The following ZNF331 variants were observed in gnomAD, a reference collection of about 807,000 sequenced individuals.
The protein encoded by ZNF331 is zinc finger protein 331.
In ZNF331, 2 loss-of-function variants were observed where a neutral mutation model predicts 7.0. The ratio of observed to expected loss-of-function variants is 0.29; its 90% CI spans 0.12 to 0.90. ZNF331 has a LOEUF of 0.90. Ranked by LOEUF, ZNF331 falls within the 40% of genes least tolerant of loss-of-function variation. The pLI is 0.58. For missense variants in ZNF331, 432 were observed against 587.7 expected (o/e 0.74, Z 2.74); for synonymous variants, 196 against 205.4 (o/e 0.95, Z 0.39).
In ZNF331 at chr19:53,571,033, G is replaced by C. The variant is rs2090422324; in HGVS notation, c.10-571G>C. ...ACCATCACGCCCGGCTAATTTTTTT[G>C]TATTTTTAGTAGAGATGGGGTTTCA... On this transcript the variant is annotated intron_variant, in intron 4 of 5. Transcript: ENST00000449416. The surrounding 1 kb of genome is among the most constrained non-coding windows in gnomAD (Gnocchi z 4.7). Among the ~76,000 whole-genome samples, 1 of 151,386 alleles carries C rather than the reference G, an allele frequency of 6.6e-6. No homozygotes were observed. The highest frequency in any genetic ancestry group is 1.5e-5 in the Non-Finnish European group (1 of 67,884).
chr19:53,505,359 C>A, the ZNF331 span, among the ~76,000 whole-genome samples: 1 of 152,118 alleles, frequency 6.6e-6, no homozygotes, highest in African/African-American at 2.4e-5. Flanking sequence ...GCCATCTTGG[C>A]TCACTGCAAC....
chr19:53,517,363 G>A (rs1400868709), upstream of ZNF331, among the ~76,000 whole-genome samples: 1 of 152,106 alleles, frequency 6.6e-6, no homozygotes, highest in Non-Finnish European at 1.5e-5. Context: ...CATCCAAGCA[G>A]ATAAGGACAT....
At chr19:53,548,941 A>G (rs1735930968) in intron 2 of ZNF331, among the ~76,000 whole-genome samples, 1 of 150,748 alleles carries the variant, frequency 6.6e-6, no homozygotes, top group Admixed American at 6.6e-5. Context: ...TCCACCTCCC[A>G]GGTTCAAGTG....
chr19:53,533,113 T>C (rs751302281), intron 2 of ZNF331, among the ~76,000 whole-genome samples: 1 of 151,980 alleles, frequency 6.6e-6, no homozygotes, highest in Non-Finnish European at 1.5e-5. Flanking sequence ...CTTTCTCCTT[T>C]CTTAATGTAG....
chr19:53,535,071 C>G (rs2087694241), upstream of ZNF331, among the ~76,000 whole-genome samples: 1 of 142,290 alleles, frequency 7.0e-6, no homozygotes, highest in Admixed American at 7.0e-5. Flanking sequence ...AAAGAGGAAA[C>G]TAAAAATTAC....
intron 2 of ZNF331, among the ~76,000 whole-genome samples, chr19:53,540,639 A>G (rs1009956158): frequency 2.0e-5 from 3 of 152,004 alleles, no homozygotes; most frequent in African/African-American, 7.2e-5. Context: ...CTCCTTGTTG[A>G]TCAGGCTGGT....
At chr19:53,510,984 C>T in the ZNF331 span, among the ~76,000 whole-genome samples, 11 of 152,034 alleles carry the variant, frequency 7.2e-5, no homozygotes, top group South Asian at 2.1e-4. Context: ...ATACCTGCTG[C>T]GTGTAATTTA....
At chr19:53,554,244 C>T (rs928346286) in intron 2 of ZNF331, among the ~76,000 whole-genome samples, 12 of 152,304 alleles carry the variant, frequency 7.9e-5, no homozygotes, top group East Asian at 5.8e-4. Flanking sequence ...GGGAAGGGCG[C>T]GCACGCGTGT....
the ZNF331 span, among the ~76,000 whole-genome samples, chr19:53,506,492 CTCTCTCTCTCTCTCTG>C: frequency 3.4e-3 from 490 of 144,062 alleles, 4 homozygotes; most frequent in African/African-American, 0.012. Flanking sequence ...GTCTGTCTCT[CTCTCTCTCTCTCTCTG>C]TCTCTCTCTC....
At chr19:53,544,273 T>C (rs138496073) in intron 2 of ZNF331, among the ~76,000 whole-genome samples, 2,461 of 142,768 alleles carry the variant, frequency 0.017, 67 homozygotes, top group African/African-American at 0.055. Context: ...AGGCCGGGTG[T>C]GGTGGCTCAT....
chr19:53,564,848 A>C (rs2090079669), intron 3 of ZNF331, among the ~76,000 whole-genome samples: 1 of 152,210 alleles, frequency 6.6e-6, no homozygotes, highest in African/African-American at 2.4e-5. Context: ...GGCATAAATC[A>C]GGTCAAGGGT....
Position 53,571,524 on chromosome 19 carries a change from C to T in ZNF331, c.10-80C>T. 6.4e-7 allele frequency: 1 copy of T among 1,572,260 alleles called. No individual in the cohort carries two copies. The highest frequency in any genetic ancestry group is 1.8e-5 in the Admixed American group (1 of 56,674). ...AGTCTGCTCACGGTGTTCACCCTAC[C>T]CAGAGGGTGGCCTCCTGTCTCCTTC... On this transcript the variant is annotated intron_variant, in intron 4 of 5. Coordinates refer to ENST00000449416, the MANE Select transcript of ZNF331 (RefSeq NM_001079906.2). The surrounding 1 kb of genome is among the most constrained non-coding windows in gnomAD (Gnocchi z 4.7).
At chr19:53,506,470 CTCTCTCTCTCTGTCTG>C in the ZNF331 span, among the ~76,000 whole-genome samples, 1 of 142,496 alleles carries the variant, frequency 7.0e-6, no homozygotes, top group Admixed American at 7.0e-5. Context: ...CTCTCTCTCT[CTCTCTCTCTCTGTCTG>C]TCTCTCTCTC....
chr19:53,559,333 GAC>G (rs767266436), intron 3 of ZNF331, among the ~76,000 whole-genome samples: 28 of 141,844 alleles, frequency 2.0e-4, no homozygotes, highest in East Asian at 1.3e-3. Context: ...TACATATAGA[GAC>G]ACACACATAT....
At chr19:53,510,156 TC>T in the ZNF331 span, among the ~76,000 whole-genome samples, 1 of 152,186 alleles carries the variant, frequency 6.6e-6, no homozygotes, top group East Asian at 1.9e-4. Context: ...ACATCCTGCT[TC>T]TGTGGGCGTG....
chr19:53,531,350 T>G (rs1169929770), intron 2 of ZNF331, among the ~76,000 whole-genome samples: 1 of 152,202 alleles, frequency 6.6e-6, no homozygotes, highest in Non-Finnish European at 1.5e-5. Flanking sequence ...CTCAATGTAC[T>G]CCCCATTGAC....
At chr19:53,575,445 C>T (rs907959933) in intron 5 of ZNF331, among the ~76,000 whole-genome samples, 5 of 147,890 alleles carry the variant, frequency 3.4e-5, no homozygotes, top group Non-Finnish European at 7.5e-5. Context: ...TAAATTTAGT[C>T]TCGTAAATTA....
intron 3 of ZNF331, among the ~76,000 whole-genome samples, chr19:53,563,303 G>A (rs768146396): frequency 2.6e-5 from 4 of 151,994 alleles, no homozygotes; most frequent in African/African-American, 7.2e-5. Flanking sequence ...GGGCAGGCTG[G>A]TCTTGAACTC....
chr19:53,559,862 TAC>T (rs1368666067), intron 3 of ZNF331, among the ~76,000 whole-genome samples: 5 of 150,044 alleles, frequency 3.3e-5, no homozygotes, highest in African/African-American at 7.4e-5. Context: ...ATACATACCA[TAC>T]ACACACGAGC....
Sources: allele counts gnomAD v4.1 joint callset (sites outside exome capture counted in the v4.1 genomes callset), GRCh38; gene constraint gnomAD v4.1.1; non-coding constraint Gnocchi (gnomAD v3.1); transcripts MANE v1.5; gene names NCBI Gene and HGNC (gene_info 2026-07-23, HGNC 2026-07-21).